TCTN1: variants seen among roughly 807,000 people sequenced by gnomAD.
TCTN1 encodes the protein tectonic-1.
TCTN1 carries 58 observed loss-of-function variants against 65.8 expected under a neutral mutation model. That is an observed-to-expected ratio of 0.88 (90% CI 0.71 to 1.10). TCTN1 has a LOEUF of 1.10. TCTN1 is among the 50% of genes least tolerant of loss of function. The pLI is 0.00. For missense variants in TCTN1, 645 were observed against 719.4 expected (o/e 0.90, Z 1.18); for synonymous variants, 273 against 289.1 (o/e 0.94, Z 0.57).
intron 11 of TCTN1, among the ~76,000 whole-genome samples, chr12:110,642,758 C>A (rs940665765): frequency 1.3e-5 from 2 of 150,222 alleles, no homozygotes; most frequent in African/African-American, 4.9e-5. Context: ...CCACCACATC[C>A]GGCTTTTTTT....
intron 1 of TCTN1, among the ~76,000 whole-genome samples, chr12:110,618,219 G>A (rs970515294): frequency 6.6e-6 from 1 of 150,746 alleles, no homozygotes; most frequent in Non-Finnish European, 1.5e-5. Flanking sequence ...GATTACAGGC[G>A]CCCACCACCA....
intron 4 of TCTN1, among the ~76,000 whole-genome samples, chr12:110,631,836 A>G (rs927862186): frequency 7.2e-5 from 11 of 152,296 alleles, no homozygotes; most frequent in Admixed American, 6.5e-4. Context: ...ATGAATGGAA[A>G]ATTTAAATAT....
chr12:110,638,638 G>A (rs930000074), intron 7 of TCTN1, among the ~76,000 whole-genome samples: 5 of 152,206 alleles, frequency 3.3e-5, no homozygotes, highest in African/African-American at 9.6e-5. Flanking sequence ...AGTTGAGTGA[G>A]CTGTCGAGAC....
chr12:110,621,048 G>T (rs766381315), intron 2 of TCTN1, among the ~76,000 whole-genome samples: 1 of 152,122 alleles, frequency 6.6e-6, no homozygotes, highest in African/African-American at 2.4e-5. Flanking sequence ...CAGGTGATCC[G>T]CCCTCCTTGG....
At chr12:110,628,639 C>A in intron 3 of TCTN1, 128 bp from the exon 4 acceptor site, 1 of 884,842 alleles carries the variant, frequency 1.1e-6, no homozygotes, top group Non-Finnish European at 1.7e-6. Flanking sequence ...ATGCGCCCAG[C>A]CAAGACACTA....
rs116154999 is a variant in TCTN1, at chr12:110,619,787, C to T, written c.221-49C>T. 2.9e-3 allele frequency: 4,624 copies of T among 1,613,122 alleles called. 61 individuals are homozygous for T. In the African/African-American group the frequency reaches 0.032, roughly 11 times the overall value. On this transcript the variant is annotated intron_variant, in intron 1 of 14. Transcript: ENST00000397659. Reference sequence around the variant, plus strand: ...ACACTGTGGTGGCAGGGGGCAGTCACCACCTGCTGATGGTGATGTTCTGGA... The same window carrying T: ...ACACTGTGGTGGCAGGGGGCAGTCATCACCTGCTGATGGTGATGTTCTGGA...
intron 1 of TCTN1, among the ~76,000 whole-genome samples, chr12:110,618,249 T>A (rs961606779): frequency 6.7e-6 from 1 of 149,290 alleles, no homozygotes; most frequent in African/African-American, 2.5e-5. Context: ...AATTTTTGAA[T>A]TTTTTTTTTG....
intron 2 of TCTN1, among the ~76,000 whole-genome samples, chr12:110,621,673 C>T (rs1159716651): frequency 6.6e-6 from 1 of 151,930 alleles, no homozygotes; most frequent in South Asian, 2.1e-4. Flanking sequence ...AGGGTTTCAC[C>T]GTGTTAGCCA....
intron 2 of TCTN1, 116 bp from the exon 3 acceptor site, chr12:110,626,246 C>T: frequency 4.2e-6 from 5 of 1,201,950 alleles, no homozygotes; most frequent in Non-Finnish European, 5.8e-6. Flanking sequence ...TCATAAATAT[C>T]CTCCACGTAA....
intron 4 of TCTN1, 187 bp downstream of exon 4, chr12:110,629,105 T>A: frequency 1.4e-6 from 1 of 703,194 alleles, no homozygotes; most frequent in Non-Finnish European, 2.4e-6. Flanking sequence ...GAAGATGGAT[T>A]AAAGACTTAA....
chr12:110,637,022 C>T (rs915621697), intron 7 of TCTN1, among the ~76,000 whole-genome samples: 4 of 152,196 alleles, frequency 2.6e-5, no homozygotes, highest in African/African-American at 7.2e-5. Flanking sequence ...AGGGTCTCTT[C>T]GTGGCTATGT....
intron 2 of TCTN1, among the ~76,000 whole-genome samples, chr12:110,621,209 A>G (rs2065406758): frequency 6.6e-6 from 1 of 152,210 alleles, no homozygotes; most frequent in Non-Finnish European, 1.5e-5. Flanking sequence ...GCCTTATAGC[A>G]AGTTTTAGCA....
chr12:110,626,514 A>G (rs1423856040), intron 3 of TCTN1, 22 bp downstream of exon 3: 1 of 1,606,532 alleles, frequency 6.2e-7, no homozygotes, highest in Non-Finnish European at 8.5e-7. Context: ...ACATTGATAT[A>G]TTTTGTGAAG....
At chr12:110,618,958 G>T (rs1029347658) in intron 1 of TCTN1, among the ~76,000 whole-genome samples, 6 of 151,240 alleles carry the variant, frequency 4.0e-5, no homozygotes, top group Non-Finnish European at 8.8e-5. Context: ...ATCACTTGAG[G>T]TCAGGAGTTT....
At chr12:110,616,919 TAGG>T (rs1189058285) in intron 1 of TCTN1, 1 of 152,188 alleles carries the variant, frequency 6.6e-6, no homozygotes, top group Non-Finnish European at 1.5e-5. Context: ...GCAGATGCGA[TAGG>T]AGGCAAGGGC....
chr12:110,626,230 A>G, intron 2 of TCTN1, 132 bp from the exon 3 acceptor site: 1 of 1,101,586 alleles, frequency 9.1e-7, no homozygotes, highest in East Asian at 2.8e-5. Flanking sequence ...CTGGGACGTC[A>G]TGCTTTCATA....
chr12:110,615,362 A>G (rs975411249), intron 1 of TCTN1, among the ~76,000 whole-genome samples: 3 of 152,210 alleles, frequency 2.0e-5, no homozygotes, highest in Admixed American at 6.5e-5. Flanking sequence ...TCCTGAGATG[A>G]GAGTTCATAG....
At chr12:110,641,435 T>G in intron 9 of TCTN1, 107 bp from the exon 10 acceptor site, 1 of 1,141,572 alleles carries the variant, frequency 8.8e-7, no homozygotes, top group Non-Finnish European at 1.3e-6. Flanking sequence ...AGAAATTCTT[T>G]TATTGGTTGG....
In TCTN1 at chr12:110,649,407, G is replaced by A; in HGVS notation, c.*366G>A. The A allele has an allele frequency of 1.2e-6, 2 of 1,606,228 alleles. No homozygotes were observed. The highest frequency in any genetic ancestry group is 1.7e-6 in the Non-Finnish European group (2 of 1,174,550). ...CTTCTTTTTGAGGGGAGCTGGTCCG[G>A]GTCTAGTTCACTTCACCAAGAAGTC... On this transcript the variant is annotated 3_prime_UTR_variant, in exon 15 of 15. Transcript: ENST00000397659.
Sources: gnomAD v4.1 joint callset for allele counts (sites outside exome capture counted in the v4.1 genomes callset) on GRCh38, gnomAD v4.1.1 for gene constraint, MANE v1.5 for transcripts, NCBI Gene and HGNC (gene_info 2026-07-23, HGNC 2026-07-21) for gene names.